The following RGS12 variants were observed in gnomAD, a reference collection of about 807,000 sequenced individuals.
The protein encoded by RGS12 is regulator of G protein signaling 12.
RGS12 carries 66 observed loss-of-function variants against 120.1 expected under a neutral mutation model. The observed-to-expected ratio is 0.55, with a 90% CI of 0.45 to 0.67. The LOEUF (loss-of-function observed/expected upper bound fraction) is 0.67. Ranked by LOEUF, RGS12 falls within the 30% of genes least tolerant of loss-of-function variation. The pLI is 0.00. For missense variants in RGS12, 1,859 were observed against 1,957.7 expected (o/e 0.95, Z 0.95); for synonymous variants, 827 against 804.7 (o/e 1.03, Z -0.47).
rs545117205 is a variant in RGS12 at position 3,357,860 on chromosome 4, T to G, written c.1998+14807T>G. On this transcript the variant is annotated intron_variant, in intron 3 of 17. Transcript: ENST00000336727. ...GGGTCTCTTGAAATTCCAAGTGAAT[T>G]TTAGGATGGGTTTTTCTATTTCTGT... Among the ~76,000 whole-genome samples the G allele has an allele frequency of 2.0e-5, 3 of 152,246 alleles. No homozygotes were observed. The South Asian group carries it at 6.2e-4, about 32-fold the overall frequency.
intron 3 of RGS12, among the ~76,000 whole-genome samples, chr4:3,368,455 G>T (rs1240114311): frequency 4.5e-5 from 4 of 89,178 alleles, no homozygotes; most frequent in Non-Finnish European, 5.3e-5. Flanking sequence ...TGTGTGTGGG[G>T]TGCCTTTGTG....
At chr4:3,422,872 G>T in intron 11 of RGS12, 33 bp from the exon 12 acceptor site, 2 of 1,593,950 alleles carry the variant, frequency 1.3e-6, no homozygotes, top group Non-Finnish European at 1.7e-6. Flanking sequence ...TGCCTGCTGT[G>T]CCCACGTTGA....
chr4:3,436,900 G>A (rs981130931), intron 17 of RGS12, among the ~76,000 whole-genome samples: 4 of 152,226 alleles, frequency 2.6e-5, no homozygotes, highest in East Asian at 3.9e-4. Context: ...GTGGGGCGCC[G>A]GGGAGAGGTT....
At chr4:3,409,411 A>G (rs1721497614) in intron 4 of RGS12, among the ~76,000 whole-genome samples, 1 of 152,280 alleles carries the variant, frequency 6.6e-6, no homozygotes, top group African/African-American at 2.4e-5. Context: ...TTAGAAAATA[A>G]TTAGTATCTG....
Position 3,433,261 on chromosome 4 carries a change from G to C in RGS12, c.4114+2306G>C, listed in dbSNP as rs1184629828. ...ATGTGGCAGCCGCCCTGGACCCAGC[G>C]TCCGGGGTGAGAAACACAACAGGAG... On this transcript the variant is annotated intron_variant, in intron 17 of 17. Coordinates refer to ENST00000336727, the MANE Select transcript of RGS12 (RefSeq NM_001394154.1). The surrounding 1 kb of genome is among the most constrained non-coding windows in gnomAD (Gnocchi z 4.4). Among the ~76,000 whole-genome samples the C allele has an allele frequency of 6.6e-6, 1 of 152,200 alleles. No individual in the cohort carries two copies. The highest frequency in any genetic ancestry group is 2.1e-4 in the South Asian group (1 of 4,836).
At chr4:3,338,251 G>A (rs919539750) in intron 2 of RGS12, among the ~76,000 whole-genome samples, 1 of 152,190 alleles carries the variant, frequency 6.6e-6, no homozygotes, top group African/African-American at 2.4e-5. Flanking sequence ...GTAGAGACAG[G>A]GTTTCTCCAT....
At chr4:3,437,218 G>T (rs796126048) in intron 17 of RGS12, among the ~76,000 whole-genome samples, 3 of 152,272 alleles carry the variant, frequency 2.0e-5, no homozygotes, top group African/African-American at 7.2e-5. Flanking sequence ...GGCAGGAAGG[G>T]CCTGGCTGTG....
chr4:3,342,940 T>G lies in RGS12; in HGVS notation c.1885T>G (p.Ser629Ala). Residue 629 changes from serine to alanine, a missense_variant, in exon 3 of 18, where the codon TCA becomes GCA. Physicochemically the swap from Ser to Ala is moderately conservative, Grantham distance 99 (BLOSUM62 1). Coordinates refer to ENST00000336727, the MANE Select transcript of RGS12 (RefSeq NM_001394154.1). ...VRKTKEDKKG[S>A]KFGRGTGLTQ... is the part of the protein sequence containing the mutation. ...TGCCTTTTTTCTTCGTGTTTAGGGC[T>G]CAAAATTTGGGCGGGGAACTGGACT... 6.2e-7 allele frequency: 1 copy of G among 1,612,256 alleles called. No individual in the cohort carries two copies. Among genetic ancestry groups the G allele is most frequent in the Non-Finnish European group, 8.5e-7 (1 of 1,178,500 alleles).
intron 4 of RGS12, among the ~76,000 whole-genome samples, chr4:3,408,245 C>T (rs1439438624): frequency 6.6e-6 from 1 of 152,178 alleles, no homozygotes; most frequent in Admixed American, 6.5e-5. Flanking sequence ...GTGAGTGCTG[C>T]TCAGGGTTCA....
chr4:3,346,644 G>C (rs1010764194), intron 3 of RGS12, among the ~76,000 whole-genome samples: 3 of 152,206 alleles, frequency 2.0e-5, no homozygotes, highest in African/African-American at 7.2e-5. Context: ...AAGAATTGAG[G>C]AGCTTGGAAA....
chr4:3,351,697 A>G (rs1438179218), intron 3 of RGS12, among the ~76,000 whole-genome samples: 1 of 152,192 alleles, frequency 6.6e-6, no homozygotes, highest in Non-Finnish European at 1.5e-5. Context: ...AAGCTTAGAC[A>G]GAAAATGGCT....
At chr4:3,290,348 A>G (rs1413975826), upstream of RGS12, among the ~76,000 whole-genome samples, 1 of 152,182 alleles carries the variant, frequency 6.6e-6, no homozygotes, top group African/African-American at 2.4e-5. Context: ...CCATCTTCCC[A>G]AACTGAAACT....
upstream of RGS12, among the ~76,000 whole-genome samples, chr4:3,290,762 A>C (rs1341788987): frequency 6.6e-6 from 1 of 152,260 alleles, no homozygotes; most frequent in Non-Finnish European, 1.5e-5. Flanking sequence ...CCAAGAGTGA[A>C]GCCTACAGGA....
At chr4:3,417,572 C>T in intron 9 of RGS12, 31 bp downstream of exon 9, 2 of 1,604,436 alleles carry the variant, frequency 1.2e-6, no homozygotes, top group Non-Finnish European at 1.7e-6. Context: ...GCTGTGGTGT[C>T]CAGGCCAGGC....
intron 17 of RGS12, 198 bp downstream of exon 17, chr4:3,431,153 G>T: frequency 7.0e-7 from 1 of 1,421,088 alleles, no homozygotes; most frequent in Non-Finnish European, 9.1e-7. Context: ...GTGTCTGTCA[G>T]GATGGTCCCC....
chr4:3,408,433 C>G (rs571179920), intron 4 of RGS12, among the ~76,000 whole-genome samples: 2 of 152,304 alleles, frequency 1.3e-5, no homozygotes, highest in East Asian at 3.9e-4. Flanking sequence ...GGCTCTGCCT[C>G]GCACCTGGCT....
chr4:3,358,512 T>G (rs1211190748), intron 3 of RGS12, among the ~76,000 whole-genome samples: 1 of 152,194 alleles, frequency 6.6e-6, no homozygotes, highest in Non-Finnish European at 1.5e-5. Flanking sequence ...CTTCTATTTC[T>G]GGTTTACTGA....
intron 2 of RGS12, among the ~76,000 whole-genome samples, chr4:3,319,787 C>T (rs1350494233): frequency 1.3e-5 from 2 of 152,236 alleles, no homozygotes; most frequent in African/African-American, 4.8e-5. Context: ...GCACGTGCTG[C>T]TGCTGTCTTT....
At chr4:3,326,956 C>T (rs1290154459) in intron 2 of RGS12, among the ~76,000 whole-genome samples, 4 of 152,210 alleles carry the variant, frequency 2.6e-5, no homozygotes, top group East Asian at 3.9e-4. Flanking sequence ...AAGTAGAAAA[C>T]GCAATCCTAA....
Sources: gnomAD v4.1 joint callset for allele counts (sites outside exome capture counted in the v4.1 genomes callset) on GRCh38, gnomAD v4.1.1 for gene constraint, Gnocchi (gnomAD v3.1) non-coding constraint, MANE v1.5 for transcripts, NCBI Gene and HGNC (gene_info 2026-07-23, HGNC 2026-07-21) for gene names.